ACTN4: variants seen among roughly 807,000 people sequenced by gnomAD.
ACTN4 encodes the protein actinin alpha 4.
A neutral mutation model predicts 114.2 loss-of-function variants in ACTN4; 18 were observed. The ratio of observed to expected loss-of-function variants is 0.16; its 90% CI spans 0.11 to 0.23. ACTN4 has a LOEUF of 0.23. Among genes scored for constraint, ACTN4 ranks in the 10% least tolerant of loss-of-function variants. The pLI is 1.00. For synonymous variants in ACTN4, 515 were observed against 506.3 expected (o/e 1.02, Z -0.23); for missense variants, 722 against 1,262.9 (o/e 0.57, Z 6.49).
intron 1 of ACTN4, among the ~76,000 whole-genome samples, chr19:38,694,631 C>T (rs1215775414): frequency 1.3e-5 from 2 of 152,154 alleles, no homozygotes; most frequent in Non-Finnish European, 2.9e-5. Context: ...TCTACTCAGA[C>T]ATCGTGGAAT....
chr19:38,700,501 C>A, intron 1 of ACTN4, 99 bp from the exon 2 acceptor site: 1 of 957,842 alleles, frequency 1.0e-6, no homozygotes, highest in Non-Finnish European at 1.7e-6. Flanking sequence ...GTGGCAGCTG[C>A]GGTTCTCCTG....
chr19:38,664,914 G>A (rs1262450791), intron 1 of ACTN4, among the ~76,000 whole-genome samples: 1 of 152,154 alleles, frequency 6.6e-6, no homozygotes, highest in African/African-American at 2.4e-5. Flanking sequence ...TTTTTCTGGG[G>A]AAGTTAAAGG....
At chr19:38,670,234 C>T (rs1197876155) in intron 1 of ACTN4, among the ~76,000 whole-genome samples, 1 of 152,182 alleles carries the variant, frequency 6.6e-6, no homozygotes. Context: ...CCACTTCCAC[C>T]TGGGATTTCA....
At chr19:38,728,413 C>A in intron 19 of ACTN4, 1 of 592,020 alleles carries the variant, frequency 1.7e-6, no homozygotes. Context: ...GCCACCCGCT[C>A]CTCCTCCTCC....
intron 7 of ACTN4, among the ~76,000 whole-genome samples, chr19:38,709,736 C>T (rs1818817415): frequency 6.6e-6 from 1 of 152,154 alleles, no homozygotes; most frequent in Non-Finnish European, 1.5e-5. Context: ...GCTGAAGGAT[C>T]AACTCTCCTG....
intron 1 of ACTN4, among the ~76,000 whole-genome samples, chr19:38,649,187 G>A (rs1347676087): frequency 7.1e-6 from 1 of 140,496 alleles, no homozygotes; most frequent in African/African-American, 2.7e-5. Flanking sequence ...TTTGGGGGGC[G>A]GGGGGGGCAA....
At chr19:38,695,068 T>C (rs894039711) in intron 1 of ACTN4, among the ~76,000 whole-genome samples, 1 of 152,090 alleles carries the variant, frequency 6.6e-6, no homozygotes, top group Non-Finnish European at 1.5e-5. Flanking sequence ...AGAGATGGGG[T>C]TTTGCCATGT....
At chr19:38,719,096 C>T (rs536824645) in intron 11 of ACTN4, among the ~76,000 whole-genome samples, 13 of 152,364 alleles carry the variant, frequency 8.5e-5, no homozygotes, top group South Asian at 4.1e-4. Context: ...GCTGCCTGGC[C>T]GTTGGCTCCA....
In ACTN4 at chr19:38,731,080, G is replaced by A; in HGVS notation, c.*1648G>A. On this transcript the variant is annotated 3_prime_UTR_variant, in exon 21 of 21. Transcript: ENST00000252699. ...CAGTCCCCGTACCCCTTCCCCCCAT[G>A]CCCCACCATGCCGGGGTGGTACTCA... 9.1e-7 allele frequency: 1 copy of A among 1,093,296 alleles called. No homozygotes were observed. Among genetic ancestry groups the A allele is most frequent in the African/African-American group, 1.6e-5 (1 of 62,142 alleles). The allele number at this position is 1,093,296 out of a possible 1,614,324, so 67.7% of individuals were successfully genotyped here.
chr19:38,703,895 G>A lies in ACTN4; in HGVS notation c.398-1039G>A, dbSNP rs1028832890. 2.6e-5 allele frequency among the ~76,000 whole-genome samples: 4 copies of A among 152,042 alleles called. No homozygotes were observed. In the East Asian group the frequency reaches 5.8e-4, roughly 22 times the overall value. On this transcript the variant is annotated intron_variant, in intron 3 of 20. Transcript: ENST00000252699. ...GAGAAGGACCAGCCAGTTGAGGGTC[G>A]CAGGCTAGGGGCGTGCTTTGTGAGT... is the stretch of plus-strand genomic sequence containing the variant.
chr19:38,673,446 TATATATATTC>T (rs1203463769), intron 1 of ACTN4, among the ~76,000 whole-genome samples: 1 of 97,538 alleles, frequency 1.0e-5, no homozygotes, highest in African/African-American at 3.6e-5. Flanking sequence ...ATTTTTTATA[TATATATATTC>T]ATATATATTT....
rs1969405424 is a variant in ACTN4 at position 38,729,575 on chromosome 19, G to A, written c.*143G>A. On this transcript the variant is annotated 3_prime_UTR_variant, in exon 21 of 21. Transcript: ENST00000252699. ...GGGTGGGTGGGCAGGGAGGGGCTGGGGCAGGCTCTCTCCTCTCTCTCTTTG... is the reference window on the plus strand; with the variant it reads ...GGGTGGGTGGGCAGGGAGGGGCTGGAGCAGGCTCTCTCCTCTCTCTCTTTG... The A allele has an allele frequency of 9.5e-7, 1 of 1,051,176 alleles. No homozygotes were observed. The highest frequency in any genetic ancestry group is 2.0e-5 in the Admixed American group (1 of 50,162). 65.1% of individuals were successfully genotyped at this position (1,051,176 alleles called of 1,614,324 possible). A position where few individuals can be genotyped will look rare whatever the true frequency, so the allele number is the denominator to read the frequency against.
Position 38,730,644 on chromosome 19 carries a change from T to C in ACTN4, c.*1212T>C. 2 of 631,816 alleles carry C rather than the reference T, an allele frequency of 3.2e-6. No individual in the cohort carries two copies. The highest frequency in any genetic ancestry group is 4.2e-4 in the Middle Eastern group (1 of 2,360). The allele number at this position is 631,816 out of a possible 1,614,324, so 39.1% of individuals were successfully genotyped here. Reference sequence around the variant, plus strand: ...TGTCAACGTGGACTAGCTCGTGTCATCTGCTCGAGAAGGGCTGTCGCTGTT... The same window carrying C: ...TGTCAACGTGGACTAGCTCGTGTCACCTGCTCGAGAAGGGCTGTCGCTGTT... On this transcript the variant is annotated 3_prime_UTR_variant, in exon 21 of 21. Transcript: ENST00000252699.
intron 2 of ACTN4, 24 bp downstream of exon 2, chr19:38,700,738 C>T (rs749312700): frequency 8.2e-6 from 13 of 1,594,304 alleles, no homozygotes; most frequent in South Asian, 3.3e-5. Flanking sequence ...CCACGCAGTG[C>T]GGCCGAGCCC....
chr19:38,723,801 C>G, intron 13 of ACTN4, 79 bp downstream of exon 13: 6 of 1,464,400 alleles, frequency 4.1e-6, no homozygotes, highest in Non-Finnish European at 5.6e-6. Flanking sequence ...GTGTCCAGAC[C>G]TGTGAGCTCC....
At position 38,724,538 on chromosome 19, in the gene ACTN4, G is replaced by A; in HGVS notation, c.1983G>A (p.Val661=). 1 of 1,613,712 alleles carries A rather than the reference G, an allele frequency of 6.2e-7. No homozygotes were observed. Among genetic ancestry groups the A allele is most frequent in the South Asian group, 1.1e-5 (1 of 91,088 alleles). Residue 661 remains valine (V), a synonymous_variant, in exon 16 of 21, where the codon GTG becomes GTA. Coordinates refer to ENST00000252699, the MANE Select transcript of ACTN4 (RefSeq NM_004924.6). This position sits in a 1 kb window ranked among gnomAD's most constrained non-coding sequence, Gnocchi z 7.0. Reference sequence around the variant, plus strand: ...AGTTCGCCAGCCAGGCCAATGTTGTGGGGCCCTGGATCCAGACCAAGATGG... The same window carrying A: ...AGTTCGCCAGCCAGGCCAATGTTGTAGGGCCCTGGATCCAGACCAAGATGG... ...RRQFASQANV[V]GPWIQTKMEE... is the part of the protein sequence containing the mutation.
intron 19 of ACTN4, chr19:38,728,512 C>G (rs921649172): frequency 4.8e-5 from 31 of 643,702 alleles, no homozygotes; most frequent in Non-Finnish European, 7.3e-5. Context: ...CTCCTCCGCC[C>G]GAGCAGCGCA....
intron 1 of ACTN4, among the ~76,000 whole-genome samples, chr19:38,688,051 A>G (rs1365480367): frequency 8.8e-5 from 12 of 136,988 alleles, no homozygotes. Flanking sequence ...AACCATAACC[A>G]CTACAAATGG....
At chr19:38,709,076 A>G (rs1212305362) in intron 6 of ACTN4, among the ~76,000 whole-genome samples, 1 of 152,104 alleles carries the variant, frequency 6.6e-6, no homozygotes, top group East Asian at 1.9e-4. Flanking sequence ...TCAATGTGAA[A>G]ACCAGGTTTT....
Sources: allele counts gnomAD v4.1 joint callset (sites outside exome capture counted in the v4.1 genomes callset), GRCh38; gene constraint gnomAD v4.1.1; non-coding constraint Gnocchi (gnomAD v3.1); transcripts MANE v1.5; gene names NCBI Gene and HGNC (gene_info 2026-07-23, HGNC 2026-07-21).